Variants in PHGDH observed in about 807,000 individuals in gnomAD.
PHGDH encodes the protein phosphoglycerate dehydrogenase.
In PHGDH, 50 loss-of-function variants were observed where a neutral mutation model predicts 52.6. The observed-to-expected ratio is 0.95, with a 90% CI of 0.76 to 1.20. The LOEUF (loss-of-function observed/expected upper bound fraction) is 1.20, where lower values mean the gene tolerates loss of function less well. PHGDH is among the 50% of genes most tolerant of loss of function. The pLI is 0.00. For missense variants in PHGDH, 630 were observed against 684.6 expected, an observed-to-expected ratio of 0.92 and a Z score of 0.89; for synonymous variants, 271 against 280.5, an observed-to-expected ratio of 0.97 and a Z score of 0.34.
intron 1 of PHGDH, chr1:119,712,519 C>G: frequency 3.1e-6 from 1 of 325,008 alleles, no homozygotes; most frequent in Middle Eastern, 1.1e-3. Flanking sequence ...CTGGCAGCCT[C>G]GCGCCGCCTC....
At chr1:119,741,626 G>A in intron 9 of PHGDH, 141 bp from the exon 10 acceptor site, 2 of 780,674 alleles carry the variant, frequency 2.6e-6, no homozygotes, top group Non-Finnish European at 4.6e-6. Flanking sequence ...AGGGCGAGTG[G>A]ACCTGCCTGG....
rs1359146311 is a variant in PHGDH, at chr1:119,737,360, G to C, written c.945+94G>C. The C allele has an allele frequency of 8.2e-6, 9 of 1,094,088 alleles. 1 individual carries two copies. The highest frequency in any genetic ancestry group is 1.1e-5 in the Non-Finnish European group (8 of 740,072). 67.8% of individuals were successfully genotyped at this position (1,094,088 alleles called of 1,614,324 possible). A position where few individuals can be genotyped will look rare whatever the true frequency, so the allele number is the denominator to read the frequency against. On this transcript the variant is annotated intron_variant, in intron 8 of 11. Coordinates refer to ENST00000641023, the MANE Select transcript of PHGDH (RefSeq NM_006623.4). Reference sequence around the variant, plus strand: ...GGGCTGGTGGCAGCGTGGGTGAATAGATTCAGCCCTGGGAGCTGAAGATAA... The same window carrying C: ...GGGCTGGTGGCAGCGTGGGTGAATACATTCAGCCCTGGGAGCTGAAGATAA...
intron 1 of PHGDH, among the ~76,000 whole-genome samples, chr1:119,717,241 A>AAAAAG (rs1650975959): frequency 6.8e-6 from 1 of 147,222 alleles, no homozygotes; most frequent in African/African-American, 2.5e-5. Context: ...TCAAAAAAAA[A>AAAAAG]AAAAAAAAAA....
chr1:119,714,802 T>C (rs368720712), intron 1 of PHGDH, among the ~76,000 whole-genome samples: 1 of 152,322 alleles, frequency 6.6e-6, no homozygotes, highest in South Asian at 2.1e-4. Context: ...GCTGTCACTC[T>C]TCCCAACCTG....
intron 1 of PHGDH, among the ~76,000 whole-genome samples, chr1:119,713,795 G>A (rs966210000): frequency 1.3e-5 from 2 of 152,104 alleles, no homozygotes; most frequent in African/African-American, 4.8e-5. Context: ...TTGGGAAGAG[G>A]GTGGCAATCA....
At chr1:119,740,892 C>T (rs1652173571) in intron 9 of PHGDH, among the ~76,000 whole-genome samples, 2 of 152,190 alleles carry the variant, frequency 1.3e-5, no homozygotes. Flanking sequence ...TGTCTCTTCC[C>T]TGCTGTGTGA....
chr1:119,738,973 A>AG (rs1319215924), intron 8 of PHGDH, among the ~76,000 whole-genome samples: 12 of 152,258 alleles, frequency 7.9e-5, no homozygotes, highest in African/African-American at 2.7e-4. Flanking sequence ...CACCCACATC[A>AG]GCAAATAGTC....
intron 3 of PHGDH, among the ~76,000 whole-genome samples, chr1:119,723,776 A>G (rs1269836880): frequency 2.0e-5 from 3 of 151,720 alleles, no homozygotes; most frequent in Non-Finnish European, 4.4e-5. Context: ...TGTTCCAGGC[A>G]GCAGGGTATG....
chr1:119,731,072 A>T (rs951212194), intron 5 of PHGDH, among the ~76,000 whole-genome samples: 7 of 152,222 alleles, frequency 4.6e-5, no homozygotes, highest in African/African-American at 1.7e-4. Flanking sequence ...ATGTAGAAGC[A>T]TTTGTCAAAA....
intron 9 of PHGDH, among the ~76,000 whole-genome samples, chr1:119,740,965 G>A (rs1553238268): frequency 6.6e-6 from 1 of 152,154 alleles, no homozygotes; most frequent in Non-Finnish European, 1.5e-5. Context: ...GATGAGCCAG[G>A]AGCGGTGAGG....
At chr1:119,712,307 G>T in intron 1 of PHGDH, 147 bp downstream of exon 1, 1 of 730,724 alleles carries the variant, frequency 1.4e-6, no homozygotes, top group East Asian at 2.7e-5. Context: ...AGAAGAACGG[G>T]GGCGGGAGGA....
At chr1:119,712,254 C>A in intron 1 of PHGDH, 94 bp downstream of exon 1, 1 of 1,143,280 alleles carries the variant, frequency 8.7e-7, no homozygotes, top group Non-Finnish European at 1.3e-6. Flanking sequence ...TCGCATGCAC[C>A]CCGTATCAAT....
At chr1:119,724,926 G>A (rs1018373049) in intron 3 of PHGDH, 20 of 456,492 alleles carry the variant, frequency 4.4e-5, no homozygotes, top group Non-Finnish European at 7.9e-5. Flanking sequence ...GAATGCGTTC[G>A]TTTCATCAGA....
chr1:119,735,232 G>T, intron 6 of PHGDH, 63 bp from the exon 7 acceptor site: 1 of 1,608,578 alleles, frequency 6.2e-7, no homozygotes, highest in Non-Finnish European at 8.5e-7. Flanking sequence ...ACCTCTGGAA[G>T]CCAGGGATGA....
At chr1:119,727,309 C>T (rs1651474945) in intron 5 of PHGDH, 3 of 601,082 alleles carry the variant, frequency 5.0e-6, no homozygotes, top group Admixed American at 2.6e-5. Context: ...TGGTGGGGGT[C>T]CTTTAGCTCT....
chr1:119,721,384 C>G, intron 2 of PHGDH, 63 bp downstream of exon 2: 1 of 1,528,428 alleles, frequency 6.5e-7, no homozygotes. Flanking sequence ...CTGACCACAC[C>G]TAGGGAGAAA....
At chr1:119,738,342 C>T (rs1280983616) in intron 8 of PHGDH, among the ~76,000 whole-genome samples, 3 of 152,208 alleles carry the variant, frequency 2.0e-5, no homozygotes, top group Admixed American at 2.0e-4. Flanking sequence ...GCCTCTCTGC[C>T]CCCTCCATCC....
intron 1 of PHGDH, chr1:119,712,509 C>T (rs587686290): frequency 1.2e-5 from 4 of 338,778 alleles, no homozygotes; most frequent in South Asian, 9.8e-5. Flanking sequence ...CGCAATTGTT[C>T]TGGCAGCCTC....
At chr1:119,728,856 CTAGAAAAGTTTA>C (rs1388089415) in intron 5 of PHGDH, among the ~76,000 whole-genome samples, 1 of 152,188 alleles carries the variant, frequency 6.6e-6, no homozygotes, top group Non-Finnish European at 1.5e-5. Context: ...CATGTCAAAT[CTAGAAAAGTTTA>C]CATAGAGCTG....
Sources: allele counts gnomAD v4.1 joint callset (sites outside exome capture counted in the v4.1 genomes callset), GRCh38; gene constraint gnomAD v4.1.1; transcripts MANE v1.5; gene names NCBI Gene and HGNC (gene_info 2026-07-23, HGNC 2026-07-21).